The following BTN3A1 variants were observed in gnomAD, a reference collection of about 807,000 sequenced individuals.
The protein encoded by BTN3A1 is butyrophilin subfamily 3 member A1.
A neutral mutation model predicts 43.0 loss-of-function variants in BTN3A1; 24 were observed. The ratio of observed to expected loss-of-function variants is 0.56; its 90% CI spans 0.40 to 0.78. BTN3A1 has a LOEUF of 0.78. BTN3A1 is among the 30% of genes least tolerant of loss of function. BTN3A1 has a pLI of 0.00. For missense variants in BTN3A1, 533 were observed against 626.2 expected (o/e 0.85, Z 1.59); for synonymous variants, 181 against 234.7 (o/e 0.77, Z 2.09).
rs778950432 is a variant in BTN3A1, at chr6:26,407,819, G to T, written c.582G>T (p.Val194=). The T allele has an allele frequency of 1.1e-5, 17 of 1,614,102 alleles. No individual in the cohort carries two copies. Among genetic ancestry groups the T allele is most frequent in the Middle Eastern group, 1.6e-4 (1 of 6,084 alleles). ...GENIPTVEAP[V]VADGVGLYAV... ...ACATCCCGACTGTGGAAGCACCTGT[G>T]GTTGCAGACGGAGTGGGCCTGTATG... The change falls in exon 4 of 10, where the codon GTG becomes GTT. Residue 194 remains valine (V), a synonymous_variant. Coordinates refer to ENST00000289361, the MANE Select transcript of BTN3A1 (RefSeq NM_007048.6).
At chr6:26,403,725 T>C (rs932252723) in intron 1 of BTN3A1, among the ~76,000 whole-genome samples, 2 of 152,198 alleles carry the variant, frequency 1.3e-5, no homozygotes, top group African/African-American at 2.4e-5. Context: ...GGTTTCATTA[T>C]GTTGACCAGG....
Position 26,413,690 on chromosome 6 carries a change from T to A in BTN3A1, c.1540T>A (p.Ter514ArgextTer17). 1 of 1,612,716 alleles carries A rather than the reference T, an allele frequency of 6.2e-7. No homozygotes were observed. The highest frequency in any genetic ancestry group is 1.1e-5 in the South Asian group (1 of 91,004). ...CACGGCCCTGACTATTTGTCCAGCG[T>A]GAAAAGAAGAAGAGAGTTCCTCCAA... Reference protein sequence around the residue: ...EPTALTICPA* With the variant: ...EPTALTICPAR Residue 514 changes from the stop codon to arginine, a stop_lost, in exon 10 of 10, where the codon TGA becomes AGA. Transcript: ENST00000289361.
rs1020956569 is a variant in BTN3A1 at position 26,405,527 on chromosome 6, C to A, written c.-37C>A. ...AGCTTCTTCCAGGTCATAGTGTCTGCCCCCCACCTTCCAGTATCTCCTGAT... is the reference window on the plus strand; with the variant it reads ...AGCTTCTTCCAGGTCATAGTGTCTGACCCCCACCTTCCAGTATCTCCTGAT... On this transcript the variant is annotated 5_prime_UTR_variant, in exon 2 of 10. Transcript: ENST00000289361. 6 of 1,582,302 alleles carry A rather than the reference C, an allele frequency of 3.8e-6. No individual in the cohort carries two copies. Among genetic ancestry groups the A allele is most frequent in the South Asian group, 3.3e-5 (3 of 90,342 alleles).
intron 1 of BTN3A1, among the ~76,000 whole-genome samples, chr6:26,403,934 T>C (rs1182761230): frequency 6.6e-6 from 1 of 152,134 alleles, no homozygotes; most frequent in Non-Finnish European, 1.5e-5. Flanking sequence ...AGCAGAGAAA[T>C]TGTTAACTCA....
At position 26,409,999 on chromosome 6, in the gene BTN3A1, G is replaced by A. The variant is rs7770214; in HGVS notation, c.938-7G>A. 259,032 of 1,613,616 alleles carry A rather than the reference G, an allele frequency of 0.16. 22,102 individuals carry two copies. The highest frequency in any genetic ancestry group is 0.23 in the South Asian group (21,070 of 91,072). On this transcript the variant is annotated splice_polypyrimidine_tract_variant and splice_region_variant and intron_variant, in intron 6 of 9. Coordinates refer to ENST00000289361, the MANE Select transcript of BTN3A1 (RefSeq NM_007048.6). Reference sequence around the variant, plus strand: ...TGATGCATCTTCCCCTGTTCCTTCCGTTGCAGGATGGAGAAGTATCCAGTA... The same window carrying A: ...TGATGCATCTTCCCCTGTTCCTTCCATTGCAGGATGGAGAAGTATCCAGTA...
intron 9 of BTN3A1, 26 bp from the exon 10 acceptor site, chr6:26,413,143 T>C (rs769759588): frequency 2.1e-5 from 33 of 1,590,426 alleles, no homozygotes; most frequent in Middle Eastern, 3.6e-4. Flanking sequence ...GTTGACCTCA[T>C]GGACACTTCC....
At chr6:26,411,646 T>C in intron 9 of BTN3A1, 65 bp downstream of exon 9, 2 of 1,555,702 alleles carry the variant, frequency 1.3e-6, no homozygotes, top group Non-Finnish European at 1.8e-6. Context: ...TTTTCCTTTT[T>C]ACTTCTCCAA....
chr6:26,408,453 C>T (rs1243351761), intron 4 of BTN3A1, among the ~76,000 whole-genome samples: 2 of 152,130 alleles, frequency 1.3e-5, no homozygotes, highest in Non-Finnish European at 2.9e-5. Context: ...TCAAAACAAA[C>T]ATCTGTTGGT....
At chr6:26,410,171 T>C (rs1762161097) in intron 7 of BTN3A1, 139 bp downstream of exon 7, 1 of 1,035,994 alleles carries the variant, frequency 9.7e-7, no homozygotes, top group Non-Finnish European at 1.4e-6. Flanking sequence ...GATGTGCCAA[T>C]TCCTAGTCAT....
chr6:26,413,834 T>A lies in BTN3A1; in HGVS notation c.*142T>A. ...TGCTTCTCCCTGCCCAGCTCAGAGC[T>A]GAGGGCCTCCCCCTCCACAGCAACC... On this transcript the variant is annotated 3_prime_UTR_variant, in exon 10 of 10. Transcript: ENST00000289361. The A allele has an allele frequency of 6.5e-7, 1 of 1,528,900 alleles. No individual in the cohort carries two copies. The highest frequency in any genetic ancestry group is 8.9e-7 in the Non-Finnish European group (1 of 1,123,866). 94.7% of individuals were successfully genotyped at this position (1,528,900 alleles called of 1,614,324 possible).
In BTN3A1 at chr6:26,409,910, A is replaced by G. The variant is rs1762151273; in HGVS notation, c.933A>G (p.Glu311=). 3 of 1,614,018 alleles carry G rather than the reference A, an allele frequency of 1.9e-6. No homozygotes were observed. Among genetic ancestry groups the G allele is most frequent in the Non-Finnish European group, 2.5e-6 (3 of 1,180,006 alleles). The change falls in exon 6 of 10, where the codon GAA becomes GAG. Residue 311 remains glutamate, a synonymous_variant. Coordinates refer to ENST00000289361, the MANE Select transcript of BTN3A1 (RefSeq NM_007048.6). ...ATTTTCCAGTGAAGCTCCTGGAGGA[A>G]CTCAGTAAGTTCCCATTCCCCCAGA... ...EQSTRVKLLE[E]LRWRSIQYAS...
chr6:26,410,718 C>G (rs1440609985), intron 7 of BTN3A1, among the ~76,000 whole-genome samples: 2 of 150,820 alleles, frequency 1.3e-5, no homozygotes, highest in East Asian at 3.9e-4. Context: ...CACATACACA[C>G]ATTTAAATAT....
At chr6:26,404,421 C>G (rs1241916477) in intron 1 of BTN3A1, 1 of 152,208 alleles carries the variant, frequency 6.6e-6, no homozygotes, top group African/African-American at 2.4e-5. Flanking sequence ...TTGAGTTTTT[C>G]AGGCATTTAC....
chr6:26,405,892 C>T lies in BTN3A1; in HGVS notation c.86-17C>T. ...ACTCCAAAACCCTCTGACAGATCCT[C>T]CCCCTTGTGCCTACAGCTCAGTTTT... On this transcript the variant is annotated splice_polypyrimidine_tract_variant and intron_variant, in intron 2 of 9. Transcript: ENST00000289361. 1.9e-6 allele frequency: 3 copies of T among 1,613,590 alleles called. No individual in the cohort carries two copies. The highest frequency in any genetic ancestry group is 2.5e-6 in the Non-Finnish European group (3 of 1,179,578).
Position 26,405,657 on chromosome 6 carries a change from C to G in BTN3A1, c.85+9C>G, listed in dbSNP as rs774819205. Reference sequence around the variant, plus strand: ...GCTCATGCCTCACTCAGGTAGGGAACAATTCCACGCTTGTTTCTGAAGCAG... The same window carrying G: ...GCTCATGCCTCACTCAGGTAGGGAAGAATTCCACGCTTGTTTCTGAAGCAG... On this transcript the variant is annotated intron_variant, in intron 2 of 9. Transcript: ENST00000289361. 1 of 1,613,828 alleles carries G rather than the reference C, an allele frequency of 6.2e-7. No individual in the cohort carries two copies. Among genetic ancestry groups the G allele is most frequent in the Non-Finnish European group, 8.5e-7 (1 of 1,179,718 alleles).
Position 26,407,810 on chromosome 6 carries a change from A to G in BTN3A1, c.573A>G (p.Glu191=). ...AGGGAGAGAACATCCCGACTGTGGA[A>G]GCACCTGTGGTTGCAGACGGAGTGG... The part of the protein sequence containing the change: ...NNKGENIPTV[E]APVVADGVGL... The change falls in exon 4 of 10, where the codon GAA becomes GAG. Residue 191 remains glutamate, a synonymous_variant. Transcript: ENST00000289361. 6.2e-7 allele frequency: 1 copy of G among 1,614,230 alleles called. No individual in the cohort carries two copies. The highest frequency in any genetic ancestry group is 8.5e-7 in the Non-Finnish European group (1 of 1,180,046).
At chr6:26,410,999 G>GGAAAAA in intron 7 of BTN3A1, 110 bp from the exon 8 acceptor site, 1 of 566,882 alleles carries the variant, frequency 1.8e-6, no homozygotes, top group Non-Finnish European at 2.7e-6. Context: ...GATACAGGTG[G>GGAAAAA]TAAAAAAAAA....
At chr6:26,412,450 C>A in intron 9 of BTN3A1, 1 of 1,441,546 alleles carries the variant, frequency 6.9e-7, no homozygotes, top group South Asian at 1.2e-5. Flanking sequence ...AACCAGAGGA[C>A]AAGGGAGCCC....
At chr6:26,412,556 A>T (rs1389837531) in intron 9 of BTN3A1, 1 of 1,548,602 alleles carries the variant, frequency 6.5e-7, no homozygotes, top group Admixed American at 2.0e-5. Flanking sequence ...TCTAGGGCAT[A>T]TAAGGCACCA....
Sources: allele counts gnomAD v4.1 joint callset (sites outside exome capture counted in the v4.1 genomes callset), GRCh38; gene constraint gnomAD v4.1.1; transcripts MANE v1.5; gene names NCBI Gene and HGNC (gene_info 2026-07-23, HGNC 2026-07-21).